Variants in SVOPL observed in about 807,000 individuals in gnomAD.
SVOPL encodes the protein SVOP like.
A neutral mutation model predicts 61.0 loss-of-function variants in SVOPL; 60 were observed. The ratio of observed to expected loss-of-function variants is 0.98; its 90% CI spans 0.80 to 1.22. The LOEUF (loss-of-function observed/expected upper bound fraction) is 1.22, where lower values mean the gene tolerates loss of function less well. Ranked by LOEUF, SVOPL falls within the 50% of genes most tolerant of loss-of-function variation. The pLI, the probability that SVOPL is intolerant of heterozygous loss-of-function variation, is 0.00. For missense variants in SVOPL, 662 were observed against 643.9 expected (o/e 1.03, Z -0.30); for synonymous variants, 279 against 250.0 (o/e 1.12, Z -1.09).
intron 9 of SVOPL, among the ~76,000 whole-genome samples, chr7:138,631,459 C>T (rs1800185249): frequency 6.6e-6 from 1 of 152,084 alleles, no homozygotes; most frequent in Non-Finnish European, 1.5e-5. Context: ...TAACCATCCC[C>T]ACCTCCCCCC....
chr7:138,623,517 G>A (rs767954372), intron 13 of SVOPL, among the ~76,000 whole-genome samples: 59 of 151,938 alleles, frequency 3.9e-4, no homozygotes, highest in Non-Finnish European at 5.4e-4. Context: ...GGAGAATGGC[G>A]TGAACCCGGG....
Position 138,601,644 on chromosome 7 carries a change from A to T in SVOPL, c.1354-5114T>A, listed in dbSNP as rs189401073. Reference sequence around the variant, plus strand: ...GAAGATGTAGGGGAGAAAAAAAGAAAGTTTCTAATAAATTATTATACTGAG... The same window carrying T: ...GAAGATGTAGGGGAGAAAAAAAGAATGTTTCTAATAAATTATTATACTGAG... On this transcript the variant is annotated intron_variant, in intron 14 of 15. Transcript: ENST00000674285. Among the ~76,000 whole-genome samples, 329 of 152,294 alleles carry T rather than the reference A, an allele frequency of 2.2e-3. 2 individuals carry two copies. Among genetic ancestry groups the T allele is most frequent in the African/African-American group, 7.5e-3 (310 of 41,540 alleles).
chr7:138,691,912 GT>G (rs1319284807), intron 1 of SVOPL, among the ~76,000 whole-genome samples: 2 of 151,440 alleles, frequency 1.3e-5, no homozygotes, highest in African/African-American at 4.9e-5. Flanking sequence ...CTGCCTCCCA[GT>G]TTCCAGGGAT....
At chr7:138,651,920 G>T (rs1424924908) in intron 7 of SVOPL, among the ~76,000 whole-genome samples, 1 of 152,134 alleles carries the variant, frequency 6.6e-6, no homozygotes, top group Non-Finnish European at 1.5e-5. Context: ...TCTTTACCGA[G>T]ACAGGGTCTC....
At chr7:138,689,851 C>T (rs1485131599) in intron 1 of SVOPL, among the ~76,000 whole-genome samples, 2 of 111,098 alleles carry the variant, frequency 1.8e-5, no homozygotes, top group Admixed American at 8.8e-5. Flanking sequence ...AGTGAGACTC[C>T]GTCTCAAAAA....
At chr7:138,600,654 CTTGT>C (rs982181153) in intron 14 of SVOPL, among the ~76,000 whole-genome samples, 19 of 151,962 alleles carry the variant, frequency 1.3e-4, no homozygotes, top group African/African-American at 3.1e-4. Flanking sequence ...GAAACGGATG[CTTGT>C]TTAACAATGT....
chr7:138,637,457 T>G (rs1423335123), intron 9 of SVOPL, among the ~76,000 whole-genome samples: 26 of 15,328 alleles, frequency 1.7e-3, no homozygotes, highest in Non-Finnish European at 2.8e-3. Flanking sequence ...GATAGATAGA[T>G]ATATATATAT....
chr7:138,663,455 T>C (rs1480583415), intron 4 of SVOPL: 1 of 1,204,452 alleles, frequency 8.3e-7, no homozygotes, highest in Non-Finnish European at 1.0e-6. Context: ...ATTTCCACTG[T>C]AATTTTTAAA....
Position 138,638,272 on chromosome 7 carries a change from CAAAA to C in SVOPL, c.789+6441_789+6444del, listed in dbSNP as rs56000217. Among the ~76,000 whole-genome samples, 347 of 95,802 alleles carry C rather than the reference CAAAA, an allele frequency of 3.6e-3. 2 individuals are homozygous for C. Among genetic ancestry groups the C allele is most frequent in the Non-Finnish European group, 5.5e-3 (264 of 48,298 alleles). The allele number at this position is 95,802 out of a possible 152,430, so 62.8% of individuals were successfully genotyped here. ...TGGGCAGCAGATTGAGACTCCACCT[CAAAA>C]AAAAAAAAAAAAAAAAAGTATAAAA... On this transcript the variant is annotated intron_variant, in intron 9 of 15. Transcript: ENST00000674285.
chr7:138,653,660 G>A (rs1476099781), intron 7 of SVOPL, among the ~76,000 whole-genome samples: 4 of 152,042 alleles, frequency 2.6e-5, no homozygotes, highest in Non-Finnish European at 2.9e-5. Flanking sequence ...TACAGGGCCG[G>A]GCATGGCGGC....
At chr7:138,663,326 C>T (rs970831183) in intron 4 of SVOPL, 181 bp from the exon 5 acceptor site, 1 of 1,434,068 alleles carries the variant, frequency 7.0e-7, no homozygotes, top group African/African-American at 1.4e-5. Context: ...GATTTCAGCT[C>T]CCTGTTGGTG....
intron 14 of SVOPL, 99 bp downstream of exon 14, chr7:138,620,947 A>C (rs778784978): frequency 1.8e-4 from 208 of 1,127,552 alleles, no homozygotes; most frequent in Middle Eastern, 1.5e-3. Context: ...TCATGAAGTC[A>C]ACAGAAATCC....
chr7:138,624,385 A>C (rs1017641708), intron 13 of SVOPL, among the ~76,000 whole-genome samples: 1 of 152,072 alleles, frequency 6.6e-6, no homozygotes, highest in Admixed American at 6.5e-5. Context: ...TCTTAAACCA[A>C]TTTACTTTAG....
chr7:138,689,154 C>T (rs1454645567), intron 1 of SVOPL: 4 of 945,104 alleles, frequency 4.2e-6, no homozygotes, highest in South Asian at 2.6e-5. Flanking sequence ...ATAGTGCGTA[C>T]CATTCCGATG....
intron 3 of SVOPL, among the ~76,000 whole-genome samples, chr7:138,677,349 G>A (rs1328187319): frequency 1.3e-5 from 2 of 151,962 alleles, no homozygotes; most frequent in Non-Finnish European, 2.9e-5. Flanking sequence ...TTTTTATTTT[G>A]CCCAAATTCC....
rs577793073 is a variant in SVOPL at position 138,627,386 on chromosome 7, G to C, written c.1145C>G (p.Ala382Gly). The C allele has an allele frequency of 2.7e-5, 44 of 1,613,644 alleles. No individual in the cohort carries two copies. The East Asian group carries it at 8.9e-4, about 33-fold the overall frequency. Residue 382 changes from alanine to glycine, a missense_variant, in exon 12 of 16, where the codon GCT becomes GGT. Physicochemically the swap from Ala to Gly is moderately conservative, Grantham distance 60. Transcript: ENST00000674285. Reference sequence around the variant, plus strand: ...AATGTTGAGGAGAAGGAAGAATAAAGCCGTGCATCCCATGGTAATAGAAAG... The same window carrying C: ...AATGTTGAGGAGAAGGAAGAATAAACCCGTGCATCCCATGGTAATAGAAAG... ...LSLSITMGCT[A>G]LFFLLLNICT...
intron 12 of SVOPL, 146 bp from the exon 13 acceptor site, chr7:138,626,196 A>G: frequency 2.8e-6 from 2 of 721,722 alleles, no homozygotes; most frequent in East Asian, 2.7e-5. Flanking sequence ...AGCTGGCCTG[A>G]TTGTGGGGTC....
intron 1 of SVOPL, among the ~76,000 whole-genome samples, chr7:138,683,314 T>C (rs1332758964): frequency 2.0e-5 from 3 of 152,080 alleles, no homozygotes; most frequent in African/African-American, 7.2e-5. Context: ...ATCTACTACT[T>C]TTGAGTATGT....
At chr7:138,656,143 G>C (rs1801719374) in intron 7 of SVOPL, among the ~76,000 whole-genome samples, 1 of 152,178 alleles carries the variant, frequency 6.6e-6, no homozygotes, top group African/African-American at 2.4e-5. Context: ...CCAGCAAAAA[G>C]ATTATGACTC....
Sources: allele counts gnomAD v4.1 joint callset (sites outside exome capture counted in the v4.1 genomes callset), GRCh38; gene constraint gnomAD v4.1.1; transcripts MANE v1.5; gene names NCBI Gene and HGNC (gene_info 2026-07-23, HGNC 2026-07-21).